Variants in ACYP2 observed in about 807,000 individuals in gnomAD.
The protein encoded by ACYP2 is acylphosphatase-2.
ACYP2 carries 12 observed loss-of-function variants against 11.2 expected under a neutral mutation model. That is an observed-to-expected ratio of 1.08 (90% CI 0.69 to 1.74). ACYP2 has a LOEUF of 1.74. Among genes scored for constraint, ACYP2 ranks in the 40% most tolerant of loss-of-function variants. ACYP2 has a pLI of 0.00. For synonymous variants in ACYP2, 43 were observed against 32.2 expected, an observed-to-expected ratio of 1.33 and a Z score of -1.13; for missense variants, 134 against 101.9, an observed-to-expected ratio of 1.31 and a Z score of -1.35.
Position 54,172,286 on chromosome 2 carries a change from G to A in ACYP2, c.404+33538G>A, listed in dbSNP as rs888472816. On this transcript the variant is annotated intron_variant, in intron 6 of 6. Coordinates refer to ENST00000607452, the MANE Select transcript of ACYP2 (RefSeq NM_001320586.2). ...AAAATATGTATATAAATATACACAT[G>A]TATATATATTTGCTTGCAAAGAGAC... Among the ~76,000 whole-genome samples, 17 of 152,044 alleles carry A rather than the reference G, an allele frequency of 1.1e-4. No individual in the cohort carries two copies. The East Asian group carries it at 3.1e-3, about 28-fold the overall frequency.
chr2:53,996,445 C>A (rs1166546647), intron 2 of ACYP2, among the ~76,000 whole-genome samples: 2 of 152,010 alleles, frequency 1.3e-5, no homozygotes. Flanking sequence ...GAGGATTGGG[C>A]CAGGAGAGCC....
At chr2:53,985,385 CATACT>C (rs940916727) in intron 2 of ACYP2, among the ~76,000 whole-genome samples, 4 of 152,022 alleles carry the variant, frequency 2.6e-5, no homozygotes, top group African/African-American at 9.7e-5. Context: ...GCATTTTTTT[CATACT>C]ATATTCCATC....
At chr2:53,973,914 T>A (rs1481393622) in intron 2 of ACYP2, 4,888 of 146,450 alleles carry the variant, frequency 0.033, 338 homozygotes, top group Non-Finnish European at 0.039. Context: ...TATATTTTTT[T>A]TTTTTTTTTT....
At chr2:53,997,274 G>A (rs1026212214) in intron 2 of ACYP2, among the ~76,000 whole-genome samples, 11 of 151,872 alleles carry the variant, frequency 7.2e-5, no homozygotes, top group South Asian at 4.2e-4. Flanking sequence ...AATATGTCTC[G>A]CCCTTGTTCA....
chr2:54,118,297 G>C (rs1477024966), intron 4 of ACYP2, among the ~76,000 whole-genome samples: 1 of 152,222 alleles, frequency 6.6e-6, no homozygotes, highest in Non-Finnish European at 1.5e-5. Flanking sequence ...CGAAAGTGGT[G>C]GCAAAGATCA....
chr2:54,022,249 A>G (rs906683563), intron 2 of ACYP2, among the ~76,000 whole-genome samples: 3 of 151,844 alleles, frequency 2.0e-5, no homozygotes, highest in Non-Finnish European at 4.4e-5. Context: ...AGATATCATG[A>G]CATCTTACCC....
chr2:54,273,325 A>G (rs977224272), intron 6 of ACYP2, among the ~76,000 whole-genome samples: 7 of 152,246 alleles, frequency 4.6e-5, no homozygotes, highest in Non-Finnish European at 8.8e-5. Context: ...ATACTAGTAC[A>G]TTAATTGAGT....
chr2:54,074,591 T>C (rs1677229567), intron 4 of ACYP2, among the ~76,000 whole-genome samples: 1 of 111,882 alleles, frequency 8.9e-6, no homozygotes, highest in Admixed American at 8.7e-5. Context: ...TGTGTGTGTG[T>C]GTGTGTGTGT....
chr2:54,115,473 G>A, intron 4 of ACYP2, 142 bp from the exon 1 acceptor site: 4 of 1,224,738 alleles, frequency 3.3e-6, no homozygotes, highest in Non-Finnish European at 4.4e-6. Flanking sequence ...GGATGCCTGG[G>A]GCCCAGCGGC....
intron 4 of ACYP2, among the ~76,000 whole-genome samples, chr2:54,064,972 T>C (rs1414745443): frequency 1.3e-5 from 2 of 152,072 alleles, no homozygotes; most frequent in African/African-American, 4.8e-5. Flanking sequence ...TAATCCCAGG[T>C]ACTCGGGAGG....
intron 2 of ACYP2, among the ~76,000 whole-genome samples, chr2:54,046,324 C>G (rs1436285345): frequency 1.3e-5 from 2 of 151,356 alleles, no homozygotes; most frequent in Admixed American, 6.6e-5. Flanking sequence ...ACTGAAAATA[C>G]AAAAATTAGC....
intron 6 of ACYP2, among the ~76,000 whole-genome samples, chr2:54,151,861 T>C (rs747724384): frequency 6.6e-6 from 1 of 152,160 alleles, no homozygotes; most frequent in Admixed American, 6.5e-5. Flanking sequence ...TTTTCTTTAA[T>C]CAGCTTTCTC....
chr2:54,135,428 T>G, intron 4 of ACYP2, 25 bp from the exon 2 acceptor site: 2 of 1,604,330 alleles, frequency 1.2e-6, no homozygotes, highest in Non-Finnish European at 1.7e-6. Flanking sequence ...AAGCTGACAA[T>G]TCTTTTTATC....
At chr2:54,098,696 G>A (rs1339465427) in intron 4 of ACYP2, among the ~76,000 whole-genome samples, 1 of 149,870 alleles carries the variant, frequency 6.7e-6, no homozygotes. Context: ...CTGCTACTGT[G>A]CTGGTCCTCT....
At chr2:54,162,861 A>C (rs1572874414) in intron 6 of ACYP2, among the ~76,000 whole-genome samples, 1 of 152,208 alleles carries the variant, frequency 6.6e-6, no homozygotes, top group Admixed American at 6.5e-5. Context: ...TGTGATGCAC[A>C]CCTGTGGTCC....
chr2:54,142,809 C>T (rs565462112), intron 6 of ACYP2: 1 of 152,174 alleles, frequency 6.6e-6, no homozygotes, highest in Non-Finnish European at 1.5e-5. Flanking sequence ...AGATGTTGTT[C>T]CATTTGCTTA....
intron 6 of ACYP2, among the ~76,000 whole-genome samples, chr2:54,189,526 A>G (rs938196690): frequency 2.6e-5 from 4 of 152,256 alleles, no homozygotes; most frequent in African/African-American, 4.8e-5. Flanking sequence ...TACATATTCT[A>G]TAGTATTCTA....
intron 6 of ACYP2, among the ~76,000 whole-genome samples, chr2:54,190,883 TATATGAGCAAATG>T (rs1684211456): frequency 6.6e-6 from 1 of 152,174 alleles, no homozygotes; most frequent in Non-Finnish European, 1.5e-5. Flanking sequence ...CAGTACTCCC[TATATGAGCAAATG>T]CCTATATGAG....
chr2:54,266,667 G>A (rs1486070202), intron 6 of ACYP2, among the ~76,000 whole-genome samples: 52 of 132,216 alleles, frequency 3.9e-4, no homozygotes, highest in African/African-American at 1.3e-3. Context: ...GTGCAGTGGC[G>A]CGATCTCGGC....
Sources: allele counts gnomAD v4.1 joint callset (sites outside exome capture counted in the v4.1 genomes callset), GRCh38; gene constraint gnomAD v4.1.1; transcripts MANE v1.5; gene names NCBI Gene and HGNC (gene_info 2026-07-23, HGNC 2026-07-21).